Variants in KIAA0232 observed in about 807,000 individuals in gnomAD.
KIAA0232 encodes the protein uncharacterized protein KIAA0232.
In KIAA0232, 27 loss-of-function variants were observed where a neutral mutation model predicts 122.0. The ratio of observed to expected loss-of-function variants is 0.22; its 90% confidence interval spans 0.16 to 0.31. KIAA0232 has a LOEUF of 0.31. Among genes scored for constraint, KIAA0232 ranks in the 10% least tolerant of loss-of-function variants. The pLI, the probability that KIAA0232 is intolerant of heterozygous loss-of-function variation, is 1.00. For missense variants in KIAA0232, 1,551 were observed against 1,634.2 expected, an observed-to-expected ratio of 0.95 and a Z score of 0.88; for synonymous variants, 613 against 587.6, an observed-to-expected ratio of 1.04 and a Z score of -0.63.
chr4:6,819,330 A>C (rs1718306221), intron 2 of KIAA0232, among the ~76,000 whole-genome samples: 1 of 152,178 alleles, frequency 6.6e-6, no homozygotes, highest in African/African-American at 2.4e-5. Flanking sequence ...CCACCTACAG[A>C]ATAGGAGAAA....
intron 3 of KIAA0232, among the ~76,000 whole-genome samples, chr4:6,830,323 A>G (rs745385161): frequency 3.0e-4 from 46 of 151,244 alleles, no homozygotes; most frequent in Non-Finnish European, 5.8e-4. Flanking sequence ...TCTGGGAATT[A>G]GGGCTGACCC....
intron 4 of KIAA0232, among the ~76,000 whole-genome samples, chr4:6,847,881 T>C (rs1720053245): frequency 6.6e-6 from 1 of 151,848 alleles, no homozygotes; most frequent in South Asian, 2.1e-4. Flanking sequence ...AAACTACTTA[T>C]ATTTGTTTTA....
Position 6,864,567 on chromosome 4 carries a change from C to T in KIAA0232, c.3801+384C>T, listed in dbSNP as rs190633486. Among the ~76,000 whole-genome samples, 45 of 151,682 alleles carry T rather than the reference C, an allele frequency of 3.0e-4. No individual in the cohort carries two copies. The East Asian group carries it at 6.4e-3, about 22-fold the overall frequency. On this transcript the variant is annotated intron_variant, in intron 7 of 9. Coordinates refer to ENST00000307659, the MANE Select transcript of KIAA0232 (RefSeq NM_014743.3). ...CAGCTTGGCCAACATGGTGAGACCCCGTCTCTACTAAAAATACAAAAATTA... is the reference window on the plus strand; with the variant it reads ...CAGCTTGGCCAACATGGTGAGACCCTGTCTCTACTAAAAATACAAAAATTA...
chr4:6,809,709 A>G (rs1041037103), intron 2 of KIAA0232, among the ~76,000 whole-genome samples: 2 of 152,150 alleles, frequency 1.3e-5, no homozygotes, highest in Non-Finnish European at 2.9e-5. Context: ...AACCTCCTAG[A>G]TTTAATAAGT....
At chr4:6,878,379 T>TACATACATA (rs1721864096) in intron 9 of KIAA0232, among the ~76,000 whole-genome samples, 8 of 149,198 alleles carry the variant, frequency 5.4e-5, no homozygotes, top group Admixed American at 6.6e-5. Flanking sequence ...CATCATTCAT[T>TACATACATA]CATACATACA....
At chr4:6,797,502 G>A (rs953264456) in intron 1 of KIAA0232, among the ~76,000 whole-genome samples, 7 of 152,190 alleles carry the variant, frequency 4.6e-5, no homozygotes, top group Non-Finnish European at 7.3e-5. Flanking sequence ...GGGTGTGGTG[G>A]CTCACATCTG....
chr4:6,823,878 C>T (rs1274221168), intron 2 of KIAA0232, among the ~76,000 whole-genome samples: 1 of 151,976 alleles, frequency 6.6e-6, no homozygotes, highest in African/African-American at 2.4e-5. Context: ...TCAATATGTT[C>T]CCCACACTGG....
chr4:6,872,872 G>T (rs1721566600), intron 8 of KIAA0232, among the ~76,000 whole-genome samples: 1 of 152,216 alleles, frequency 6.6e-6, no homozygotes, highest in South Asian at 2.1e-4. Context: ...TGGGATGGAA[G>T]GCCAGCTTGG....
intron 2 of KIAA0232, among the ~76,000 whole-genome samples, chr4:6,813,621 C>T (rs1717980698): frequency 6.6e-6 from 1 of 152,138 alleles, no homozygotes. Context: ...CTCGGCCTCC[C>T]AAAGTGCTGG....
chr4:6,837,454 C>T lies in KIAA0232; in HGVS notation c.232-4613C>T, dbSNP rs565178544. On this transcript the variant is annotated intron_variant, in intron 3 of 9. Coordinates refer to ENST00000307659, the MANE Select transcript of KIAA0232 (RefSeq NM_014743.3). ...GCTGGGCGGCCGGGCAGAGGGGCTCCTCACATCCCAGACGATGGGCGGCTG... is the reference window on the plus strand; with the variant it reads ...GCTGGGCGGCCGGGCAGAGGGGCTCTTCACATCCCAGACGATGGGCGGCTG... Among the ~76,000 whole-genome samples, 832 of 151,452 alleles carry T rather than the reference C, an allele frequency of 5.5e-3. 5 individuals carry two copies. Among genetic ancestry groups the T allele is most frequent in the Non-Finnish European group, 9.6e-3 (652 of 67,798 alleles).
In KIAA0232 at chr4:6,844,504, C is replaced by G. The variant is rs118096339; in HGVS notation, c.369+2300C>G. Among the ~76,000 whole-genome samples the G allele has an allele frequency of 9.7e-3, 1,476 of 151,972 alleles. 50 individuals are homozygous for G. The highest frequency in any genetic ancestry group is 0.096 in the East Asian group (495 of 5,152). On this transcript the variant is annotated intron_variant, in intron 4 of 9. Transcript: ENST00000307659. ...TTGCCCAGGCTGGAATGCAGTGACG[C>G]AAACCTGGCTCACTGCAACCTCCTG...
intron 2 of KIAA0232, among the ~76,000 whole-genome samples, chr4:6,812,484 A>G (rs1453073403): frequency 6.6e-6 from 1 of 152,190 alleles, no homozygotes; most frequent in East Asian, 1.9e-4. Context: ...ATTATTTAAT[A>G]TATAGAAATA....
chr4:6,876,607 T>C, intron 8 of KIAA0232, 53 bp from the exon 9 acceptor site: 1 of 1,174,660 alleles, frequency 8.5e-7, no homozygotes, highest in Non-Finnish European at 1.3e-6. Context: ...AACTGTGTCT[T>C]AATGGAATTT....
At chr4:6,799,584 T>C (rs546282628) in intron 1 of KIAA0232, among the ~76,000 whole-genome samples, 1 of 152,298 alleles carries the variant, frequency 6.6e-6, no homozygotes, top group Non-Finnish European at 1.5e-5. Flanking sequence ...AAATCGTGGA[T>C]GGCATAGCCT....
intron 3 of KIAA0232, among the ~76,000 whole-genome samples, chr4:6,835,537 A>G (rs185048868): frequency 6.6e-6 from 1 of 152,320 alleles, no homozygotes; most frequent in African/African-American, 2.4e-5. Flanking sequence ...TTACATAGGT[A>G]TACATCTGCC....
chr4:6,805,855 A>C (rs574024621), intron 2 of KIAA0232, among the ~76,000 whole-genome samples: 2 of 152,194 alleles, frequency 1.3e-5, no homozygotes, highest in South Asian at 2.1e-4. Flanking sequence ...TAATCTGTAG[A>C]TGTTTCCATT....
At chr4:6,808,984 C>A (rs1359393264) in intron 2 of KIAA0232, among the ~76,000 whole-genome samples, 2 of 152,166 alleles carry the variant, frequency 1.3e-5, no homozygotes, top group Admixed American at 1.3e-4. Context: ...AAAAGGACAT[C>A]ATCACAAGGC....
At chr4:6,817,111 C>T (rs182993473) in intron 2 of KIAA0232, among the ~76,000 whole-genome samples, 4 of 152,074 alleles carry the variant, frequency 2.6e-5, no homozygotes, top group African/African-American at 7.2e-5. Context: ...TCTTCTTTGT[C>T]TAGTTTCTTA....
intron 2 of KIAA0232, among the ~76,000 whole-genome samples, chr4:6,817,108 T>C (rs1173985224): frequency 1.3e-5 from 2 of 152,198 alleles, no homozygotes; most frequent in African/African-American, 4.8e-5. Context: ...TGCTCTTCTT[T>C]GTCTAGTTTC....
Sources: allele counts gnomAD v4.1 joint callset (sites outside exome capture counted in the v4.1 genomes callset), GRCh38; gene constraint gnomAD v4.1.1; transcripts MANE v1.5; gene names NCBI Gene and HGNC (gene_info 2026-07-23, HGNC 2026-07-21).